SERPINB6: variants seen among roughly 807,000 people sequenced by gnomAD.
SERPINB6 encodes serpin B6.
SERPINB6 carries 16 observed loss-of-function variants against 26.1 expected under a neutral mutation model. The ratio of observed to expected loss-of-function variants is 0.61; its 90% confidence interval spans 0.42 to 0.93. SERPINB6 has a LOEUF of 0.93. Among genes scored for constraint, SERPINB6 ranks in the 40% least tolerant of loss-of-function variants. The pLI is 0.00. For synonymous variants in SERPINB6, 174 were observed against 176.6 expected (o/e 0.99, Z 0.11); for missense variants, 420 against 478.0 (o/e 0.88, Z 1.13).
chr6:2,966,324 G>GT (rs143603968), intron 1 of SERPINB6: 243,090 of 941,596 alleles, frequency 0.26, 26,979 homozygotes, highest in East Asian at 0.46. Flanking sequence ...ATTTGCTGAT[G>GT]TTTTTTTTTC....
At chr6:2,970,192 T>C (rs1772010829) in intron 1 of SERPINB6, 2 of 985,210 alleles carry the variant, frequency 2.0e-6, no homozygotes, top group Non-Finnish European at 2.4e-6. Context: ...TATTATTACA[T>C]ATGTGGAAAA....
intron 2 of SERPINB6, among the ~76,000 whole-genome samples, chr6:2,958,408 T>A (rs911539): frequency 6.6e-6 from 1 of 152,126 alleles, no homozygotes; most frequent in East Asian, 1.9e-4. Flanking sequence ...GGCGCGGAGA[T>A]GCCTCTGCCT....
At chr6:2,952,901 G>A (rs1769970430) in intron 5 of SERPINB6, 143 bp downstream of exon 5, 3 of 1,195,764 alleles carry the variant, frequency 2.5e-6, no homozygotes, top group Middle Eastern at 2.8e-4. Context: ...GATGCCAGGC[G>A]CCCAGGGACA....
At chr6:2,949,251 C>G (rs1769500863) in intron 5 of SERPINB6, among the ~76,000 whole-genome samples, 182 bp from the exon 6 acceptor site, 1 of 152,178 alleles carries the variant, frequency 6.6e-6, no homozygotes, top group Middle Eastern at 3.2e-3. Flanking sequence ...AACTGGGGTG[C>G]CCAGGGCCCA....
Position 2,948,505 on chromosome 6 carries a change from T to C in SERPINB6, c.924A>G (p.Thr308=). The change falls in exon 7 of 7, where the codon ACA becomes ACG. Residue 308 remains threonine, a synonymous_variant. Transcript: ENST00000380539. This position sits in a 1 kb window ranked among gnomAD's most constrained non-coding sequence, Gnocchi z 5.0. ...GCACGACCTTGGACAGAGACAGGTC[T>C]GTCTGGGACATTCCAGAGAAGTCTG... ...GKADFSGMSQ[T]DLSLSKVVHK... is the part of the protein sequence containing the mutation. 1 of 1,614,182 alleles carries C rather than the reference T, an allele frequency of 6.2e-7. No individual in the cohort carries two copies. Among genetic ancestry groups the C allele is most frequent in the South Asian group, 1.1e-5 (1 of 91,088 alleles).
chr6:2,955,709 A>G (rs944701644), intron 2 of SERPINB6, 39 bp from the exon 3 acceptor site: 3 of 1,612,014 alleles, frequency 1.9e-6, no homozygotes, highest in Admixed American at 1.7e-5. Flanking sequence ...TCATTCCTGT[A>G]TGCTCTGACT....
chr6:2,949,185 CT>C (rs1769487851), intron 5 of SERPINB6, 116 bp from the exon 6 acceptor site: 1 of 1,159,580 alleles, frequency 8.6e-7, no homozygotes, highest in Non-Finnish European at 1.2e-6. Context: ...TTCTCCCCAG[CT>C]TCCAGAACAC....
chr6:2,971,628 T>G (rs892421405), upstream of SERPINB6: 1 of 151,078 alleles, frequency 6.6e-6, no homozygotes, highest in Non-Finnish European at 1.5e-5. Context: ...GAGTCCCGGG[T>G]CTCGAGCTAC....
In SERPINB6 at chr6:2,967,272, AC is replaced by A; in HGVS notation, c.-11+4260del. The A allele has an allele frequency of 3.1e-6, 3 of 965,526 alleles. No homozygotes were observed. Among genetic ancestry groups the A allele is most frequent in the Non-Finnish European group, 3.7e-6 (3 of 811,894 alleles). 59.8% of individuals were successfully genotyped at this position (965,526 alleles called of 1,614,324 possible). A position where few individuals can be genotyped will look rare whatever the true frequency, so the allele number is the denominator to read the frequency against. ...GAAACTGGACCCCTTCCTTACATAC[AC>A]CATGTACAAAAATCAACTCAAGATG... On this transcript the variant is annotated intron_variant, in intron 1 of 6. Coordinates refer to ENST00000380539, the MANE Select transcript of SERPINB6 (RefSeq NM_004568.6). This position sits in a 1 kb window ranked among gnomAD's most constrained non-coding sequence, Gnocchi z 4.3.
intron 4 of SERPINB6, 126 bp from the exon 5 acceptor site, chr6:2,953,312 A>C (rs964066793): frequency 1.6e-6 from 2 of 1,260,550 alleles, no homozygotes; most frequent in African/African-American, 1.5e-5. Context: ...CTGTCCCCCA[A>C]ATATAAAGGG....
At chr6:2,971,190 C>CTT in intron 1 of SERPINB6, 3 of 990,732 alleles carry the variant, frequency 3.0e-6, no homozygotes, top group Non-Finnish European at 3.6e-6. Context: ...GGCCTGGGCG[C>CTT]CCGGGGTCCT....
chr6:2,970,157 C>T (rs1772007161), intron 1 of SERPINB6: 4 of 984,894 alleles, frequency 4.1e-6, no homozygotes, highest in African/African-American at 1.8e-5. Flanking sequence ...TCCCTGGGAC[C>T]GTACAACATC....
chr6:2,968,537 A>G, intron 1 of SERPINB6: 5 of 1,171,286 alleles, frequency 4.3e-6, no homozygotes, highest in Non-Finnish European at 5.3e-6. Flanking sequence ...ACTTTTCATC[A>G]TGATATTTGA....
chr6:2,970,925 G>A, intron 1 of SERPINB6: 13 of 1,228,640 alleles, frequency 1.1e-5, no homozygotes, highest in Non-Finnish European at 1.3e-5. Flanking sequence ...CTGCGGATTG[G>A]CCAAGCCCAG....
At chr6:2,968,494 A>G (rs1490538302) in intron 1 of SERPINB6, 1 of 1,103,012 alleles carries the variant, frequency 9.1e-7, no homozygotes, top group Non-Finnish European at 1.1e-6. Context: ...CATATAAATG[A>G]ATGTTCTCTT....
intron 1 of SERPINB6, chr6:2,960,595 G>A (rs1379186147): frequency 2.0e-5 from 3 of 152,524 alleles, no homozygotes; most frequent in Non-Finnish European, 2.9e-5. Flanking sequence ...CACGGAACAA[G>A]GAAGGGGAGA....
intron 1 of SERPINB6, chr6:2,970,496 T>C: frequency 8.7e-7 from 1 of 1,146,772 alleles, no homozygotes; most frequent in Non-Finnish European, 1.1e-6. Context: ...CCCAGGACCT[T>C]AACTAGAAGG....
chr6:2,962,220 T>C, intron 1 of SERPINB6: 2 of 985,416 alleles, frequency 2.0e-6, no homozygotes, highest in Non-Finnish European at 2.4e-6. Flanking sequence ...TTACACCATC[T>C]GGGGCAGAGG....
Position 2,953,173 on chromosome 6 carries a change from C to T in SERPINB6, c.444G>A (p.Glu148=). Residue 148 remains glutamate (E), a synonymous_variant, in exon 5 of 7, where the codon GAG becomes GAA. Coordinates refer to ENST00000380539, the MANE Select transcript of SERPINB6 (RefSeq NM_004568.6). ...VAEKTEGKIA[E]LLSPGSVDPL... is the part of the protein sequence containing the mutation. ...GATCCACTGAGCCCGGAGAGAGCAACTCCGCAATTTTACCTGAGCGGAAGA... is the reference window on the plus strand; with the variant it reads ...GATCCACTGAGCCCGGAGAGAGCAATTCCGCAATTTTACCTGAGCGGAAGA... 1 of 1,614,224 alleles carries T rather than the reference C, an allele frequency of 6.2e-7. No individual in the cohort carries two copies. The highest frequency in any genetic ancestry group is 8.5e-7 in the Non-Finnish European group (1 of 1,180,040).
Sources: gnomAD v4.1 joint callset for allele counts (sites outside exome capture counted in the v4.1 genomes callset) on GRCh38, gnomAD v4.1.1 for gene constraint, Gnocchi (gnomAD v3.1) non-coding constraint, MANE v1.5 for transcripts, NCBI Gene and HGNC (gene_info 2026-07-23, HGNC 2026-07-21) for gene names.